Variants in PBX1 observed in about 807,000 individuals in gnomAD.
PBX1 encodes the protein PBX homeobox 1.
PBX1 carries 6 observed loss-of-function variants against 53.4 expected under a neutral mutation model. That is an observed-to-expected ratio of 0.11 (90% CI 0.06 to 0.22). The LOEUF is 0.22. Ranked by LOEUF, PBX1 falls within the 10% of genes least tolerant of loss-of-function variation. PBX1 has a pLI of 1.00. For missense variants in PBX1, 251 were observed against 551.4 expected (o/e 0.46, Z 5.46); for synonymous variants, 204 against 212.3 (o/e 0.96, Z 0.34).
chr1:164,602,480 G>A (rs1656242079), intron 2 of PBX1, among the ~76,000 whole-genome samples: 1 of 152,084 alleles, frequency 6.6e-6, no homozygotes, highest in South Asian at 2.1e-4. Context: ...GCTTGAACAA[G>A]GGTTTAGCTG....
chr1:164,749,010 G>A (rs1403673744), intron 2 of PBX1, among the ~76,000 whole-genome samples: 1 of 152,058 alleles, frequency 6.6e-6, no homozygotes, highest in Non-Finnish European at 1.5e-5. Context: ...TCCTGGTTGG[G>A]AAATTTTCTA....
At chr1:164,818,397 T>A (rs1669978751) in intron 6 of PBX1, 1 of 152,200 alleles carries the variant, frequency 6.6e-6, no homozygotes, top group Non-Finnish European at 1.5e-5. Context: ...TCCTTTCAGA[T>A]AAGCTAAACA....
At chr1:164,667,154 A>T (rs903754185) in intron 2 of PBX1, among the ~76,000 whole-genome samples, 2 of 152,136 alleles carry the variant, frequency 1.3e-5, no homozygotes, top group African/African-American at 4.8e-5. Flanking sequence ...TTTCAGGCCA[A>T]CTGCTCCATC....
chr1:164,599,800 T>C (rs1257749000), intron 2 of PBX1, among the ~76,000 whole-genome samples: 1 of 152,222 alleles, frequency 6.6e-6, no homozygotes, highest in Non-Finnish European at 1.5e-5. Flanking sequence ...TTTCATTTTA[T>C]TTTTCCTACT....
chr1:164,631,826 T>TGAAAAC (rs1658428867), intron 2 of PBX1, among the ~76,000 whole-genome samples: 2 of 152,216 alleles, frequency 1.3e-5, no homozygotes, highest in Non-Finnish European at 2.9e-5. Flanking sequence ...ATTTGGGCCA[T>TGAAAAC]ATTCGACTAT....
intron 2 of PBX1, among the ~76,000 whole-genome samples, chr1:164,619,293 AGGGTG>A (rs1008134899): frequency 2.0e-5 from 3 of 152,172 alleles, no homozygotes; most frequent in African/African-American, 7.2e-5. Flanking sequence ...AGCCAGGCAG[AGGGTG>A]GGGCATTGGA....
At position 164,559,574 on chromosome 1, in the gene PBX1, C is replaced by G; in HGVS notation, c.-249C>G. On this transcript the variant is annotated 5_prime_UTR_variant, in exon 1 of 9. Transcript: ENST00000420696. ...TTTTGGAGTCAACACCCTTCCCCACCAGCCCTTATCCCCACCCTCACCCCG... is the reference window on the plus strand; with the variant it reads ...TTTTGGAGTCAACACCCTTCCCCACGAGCCCTTATCCCCACCCTCACCCCG... The G allele has an allele frequency of 2.4e-6, 1 of 409,196 alleles. No individual in the cohort carries two copies. Among genetic ancestry groups the G allele is most frequent in the Non-Finnish European group, 4.3e-6 (1 of 232,988 alleles). The allele number at this position is 409,196 out of a possible 1,614,324, so 25.3% of individuals were successfully genotyped here. A position where few individuals can be genotyped will look rare whatever the true frequency, so the allele number is the denominator to read the frequency against.
At chr1:164,631,912 G>C (rs1658434535) in intron 2 of PBX1, among the ~76,000 whole-genome samples, 1 of 152,208 alleles carries the variant, frequency 6.6e-6, no homozygotes, top group African/African-American at 2.4e-5. Context: ...GCAGTGTTGT[G>C]ACTTGCTTGT....
chr1:164,600,807 G>A (rs914268006), intron 2 of PBX1, among the ~76,000 whole-genome samples: 1 of 152,126 alleles, frequency 6.6e-6, no homozygotes, highest in Non-Finnish European at 1.5e-5. Context: ...GTTTGCTTCT[G>A]GTCACACCGA....
intron 5 of PBX1, among the ~76,000 whole-genome samples, chr1:164,810,249 T>A (rs1182010809): frequency 1.3e-5 from 2 of 152,218 alleles, no homozygotes; most frequent in African/African-American, 4.8e-5. Context: ...TCTGTGTCTG[T>A]TATCTATACA....
At chr1:164,872,050 G>C (rs1464024527) in intron 2 of PBX1, among the ~76,000 whole-genome samples, 1 of 152,064 alleles carries the variant, frequency 6.6e-6, no homozygotes, top group Non-Finnish European at 1.5e-5. Flanking sequence ...TGGAATTTCA[G>C]GTCCCATAAA....
At chr1:164,626,067 AC>A (rs1199974505) in intron 2 of PBX1, 2 of 1,034,906 alleles carry the variant, frequency 1.9e-6, no homozygotes, top group East Asian at 5.8e-5. Context: ...ACACACCACC[AC>A]CCCAGTTTTG....
At position 164,857,675 on chromosome 1, in the gene PBX1, T is replaced by G. The variant is rs186514244; in HGVS notation, n.257+26192T>G. On this transcript the variant is annotated intron_variant and non_coding_transcript_variant, in intron 2 of 2. Transcript: ENST00000558796. ...ACAAAAGACTCTCCTATCACCCTTATCACTGAGGAAATTCCAACAGTTTCA... is the reference window on the plus strand; with the variant it reads ...ACAAAAGACTCTCCTATCACCCTTAGCACTGAGGAAATTCCAACAGTTTCA... 8.8e-3 allele frequency among the ~76,000 whole-genome samples: 1,347 copies of G among 152,250 alleles called. 22 individuals carry two copies. Among genetic ancestry groups the G allele is most frequent in the African/African-American group, 0.031 (1,288 of 41,548 alleles).
chr1:164,838,818 G>A (rs1433675248), intron 8 of PBX1, among the ~76,000 whole-genome samples: 1 of 152,128 alleles, frequency 6.6e-6, no homozygotes, highest in Non-Finnish European at 1.5e-5. Flanking sequence ...TCACAGGAAC[G>A]AGACACCAAG....
chr1:164,611,432 G>T (rs1441222436), intron 2 of PBX1, among the ~76,000 whole-genome samples: 1 of 152,032 alleles, frequency 6.6e-6, no homozygotes, highest in East Asian at 1.9e-4. Context: ...TAGAGACGGG[G>T]TTTCACCGTG....
chr1:164,645,319 C>T (rs1015952963), intron 2 of PBX1, among the ~76,000 whole-genome samples: 5 of 152,156 alleles, frequency 3.3e-5, no homozygotes, highest in African/African-American at 1.2e-4. Context: ...CCTATCTGTC[C>T]CATTTACATG....
chr1:164,575,443 C>G (rs1001794314), intron 2 of PBX1, among the ~76,000 whole-genome samples: 13 of 152,182 alleles, frequency 8.5e-5, no homozygotes, highest in African/African-American at 3.1e-4. Context: ...GCCAGTAGGT[C>G]AGAGGAATAC....
At chr1:164,791,533 C>T (rs1668508053) in intron 2 of PBX1, among the ~76,000 whole-genome samples, 1 of 152,190 alleles carries the variant, frequency 6.6e-6, no homozygotes, top group African/African-American at 2.4e-5. Context: ...TCACTCTCTG[C>T]TAGTCCACAG....
chr1:164,777,520 A>G (rs1364137751), intron 2 of PBX1, among the ~76,000 whole-genome samples: 4 of 152,146 alleles, frequency 2.6e-5, no homozygotes, highest in African/African-American at 9.7e-5. Context: ...AACTCTGAGC[A>G]TTTTCTCACA....
Sources: gnomAD v4.1 joint callset for allele counts (sites outside exome capture counted in the v4.1 genomes callset) on GRCh38, gnomAD v4.1.1 for gene constraint, MANE v1.5 for transcripts, NCBI Gene and HGNC (gene_info 2026-07-23, HGNC 2026-07-21) for gene names.